SAMMSON: variants seen among roughly 807,000 people sequenced by gnomAD.
SAMMSON encodes the protein survival associated mitochondrial melanoma specific oncogenic non-coding RNA.
At chr3:70,021,438 AC>A (rs1316709943) in intron 3 of SAMMSON, among the ~76,000 whole-genome samples, 4 of 152,228 alleles carry the variant, frequency 2.6e-5, no homozygotes, top group African/African-American at 9.6e-5. Context: ...AAGTTCATCC[AC>A]TTATAAAATA....
chr3:70,228,909 TA>T (rs1473611253), intron 4 of SAMMSON, among the ~76,000 whole-genome samples: 1 of 152,108 alleles, frequency 6.6e-6, no homozygotes, highest in African/African-American at 2.4e-5. Flanking sequence ...GAAACTCAGC[TA>T]AAAGGTGTGA....
chr3:70,023,051 C>T (rs1247888900), intron 3 of SAMMSON, among the ~76,000 whole-genome samples: 7 of 152,180 alleles, frequency 4.6e-5, no homozygotes, highest in South Asian at 2.1e-4. Context: ...CGCTATGATC[C>T]GAATTGCAAA....
At chr3:70,306,395 G>T (rs1371374677) in intron 7 of SAMMSON, among the ~76,000 whole-genome samples, 1 of 152,274 alleles carries the variant, frequency 6.6e-6, no homozygotes, top group Non-Finnish European at 1.5e-5. Context: ...ATAGGCATGA[G>T]CTACCTCACC....
At chr3:70,247,362 A>C (rs1701716977) in intron 4 of SAMMSON, among the ~76,000 whole-genome samples, 1 of 151,992 alleles carries the variant, frequency 6.6e-6, no homozygotes, top group African/African-American at 2.4e-5. Context: ...TGAATGGTTA[A>C]TGCGGAGAGA....
intron 6 of SAMMSON, among the ~76,000 whole-genome samples, chr3:70,255,632 T>G (rs117886786): frequency 2.6e-5 from 4 of 152,188 alleles, no homozygotes; most frequent in East Asian, 1.9e-4. Flanking sequence ...TGGCTATTTT[T>G]TTTTCCTGTG....
chr3:70,344,808 A>G (rs1213747795), intron 7 of SAMMSON, among the ~76,000 whole-genome samples: 3 of 152,202 alleles, frequency 2.0e-5, no homozygotes, highest in Non-Finnish European at 4.4e-5. Flanking sequence ...AAGGGGAGTC[A>G]GAGAACTCTG....
chr3:70,091,799 A>G (rs1240847972), intron 4 of SAMMSON, among the ~76,000 whole-genome samples: 2 of 152,146 alleles, frequency 1.3e-5, no homozygotes, highest in African/African-American at 4.8e-5. Context: ...GTATTCTTCT[A>G]AAAGTCAAGA....
chr3:70,180,907 A>G (rs1701048694), intron 4 of SAMMSON, among the ~76,000 whole-genome samples: 2 of 152,192 alleles, frequency 1.3e-5, no homozygotes, highest in Non-Finnish European at 2.9e-5. Context: ...ACAAAGCTTT[A>G]GGCCTGAAGT....
chr3:70,313,442 C>T (rs1702472662), intron 7 of SAMMSON, among the ~76,000 whole-genome samples: 1 of 149,556 alleles, frequency 6.7e-6, no homozygotes, highest in African/African-American at 2.5e-5. Flanking sequence ...TGTGCCATTG[C>T]ACTTCAGCCT....
chr3:70,283,642 G>A (rs1702111419), intron 6 of SAMMSON: 2 of 152,098 alleles, frequency 1.3e-5, no homozygotes, highest in South Asian at 4.2e-4. Context: ...ATTCATGCTG[G>A]GGTCAGGCTT....
In SAMMSON at chr3:70,302,371, T is replaced by C. The variant is rs142020998; in HGVS notation, n.739+11128T>C. The stretch of plus-strand genomic sequence containing the variant: ...CTGAAAGAAATGGGCCATAATCTTA[T>C]AAAAGTAAAGTATCTCTTTGTAGAA... On this transcript the variant is annotated intron_variant and non_coding_transcript_variant, in intron 7 of 9. Transcript: ENST00000642114. Among the ~76,000 whole-genome samples, 861 of 152,284 alleles carry C rather than the reference T, an allele frequency of 5.7e-3. 4 individuals are homozygous for C. Among genetic ancestry groups the C allele is most frequent in the Admixed American group, 0.012 (185 of 15,288 alleles).
intron 4 of SAMMSON, among the ~76,000 whole-genome samples, chr3:70,103,742 G>C (rs1462229586): frequency 2.0e-5 from 3 of 152,092 alleles, no homozygotes; most frequent in Admixed American, 6.6e-5. Context: ...GCTAAAAAAG[G>C]CATCTAATCT....
At chr3:70,340,168 C>T (rs1575629090) in intron 7 of SAMMSON, among the ~76,000 whole-genome samples, 1 of 147,858 alleles carries the variant, frequency 6.8e-6, no homozygotes, top group Non-Finnish European at 1.5e-5. Flanking sequence ...TGCATATTCT[C>T]ACTCATAGGT....
chr3:70,063,749 G>T (rs2067199348), intron 3 of SAMMSON, among the ~76,000 whole-genome samples: 1 of 152,060 alleles, frequency 6.6e-6, no homozygotes, highest in South Asian at 2.1e-4. Flanking sequence ...CATGAGTTAT[G>T]GTGTCCAGGT....
chr3:70,276,311 C>T (rs572505689), intron 6 of SAMMSON, among the ~76,000 whole-genome samples: 13 of 152,142 alleles, frequency 8.5e-5, no homozygotes, highest in African/African-American at 2.6e-4. Flanking sequence ...TTTTAAATAA[C>T]TTTATATTAT....
intron 4 of SAMMSON, among the ~76,000 whole-genome samples, chr3:70,096,890 T>C (rs1365641777): frequency 2.0e-5 from 3 of 152,186 alleles, no homozygotes; most frequent in African/African-American, 7.2e-5. Context: ...TATGGCCTGG[T>C]GAGTTTGAGA....
chr3:70,260,041 G>A (rs564721464), intron 6 of SAMMSON, among the ~76,000 whole-genome samples: 1 of 152,064 alleles, frequency 6.6e-6, no homozygotes, highest in South Asian at 2.1e-4. Flanking sequence ...TGACACATGG[G>A]GATTATAGGT....
chr3:70,377,800 A>G (rs1020523344), intron 9 of SAMMSON, among the ~76,000 whole-genome samples: 1 of 152,080 alleles, frequency 6.6e-6, no homozygotes, highest in Non-Finnish European at 1.5e-5. Context: ...AAGTGTGCCA[A>G]TAGAAAAATG....
intron 7 of SAMMSON, among the ~76,000 whole-genome samples, chr3:70,312,927 A>C (rs1702467664): frequency 6.6e-6 from 1 of 152,186 alleles, no homozygotes; most frequent in African/African-American, 2.4e-5. Flanking sequence ...ATGTAGAAAA[A>C]AATGTATTGA....
Sources: gnomAD v4.1 joint callset for allele counts (sites outside exome capture counted in the v4.1 genomes callset) on GRCh38, gnomAD v4.1.1 for gene constraint, MANE v1.5 for transcripts, NCBI Gene and HGNC (gene_info 2026-07-23, HGNC 2026-07-21) for gene names.